The following SLCO4A1 variants were observed in gnomAD, a reference collection of about 807,000 sequenced individuals.
SLCO4A1 encodes solute carrier organic anion transporter family member 4A1.
SLCO4A1 carries 51 observed loss-of-function variants against 64.6 expected under a neutral mutation model. The ratio of observed to expected loss-of-function variants is 0.79; its 90% CI spans 0.63 to 1.00. The LOEUF is 1.00. Ranked by LOEUF, SLCO4A1 falls within the 50% of genes least tolerant of loss-of-function variation. SLCO4A1 has a pLI of 0.00. For synonymous variants in SLCO4A1, 471 were observed against 444.9 expected (o/e 1.06, Z -0.74); for missense variants, 919 against 980.5 (o/e 0.94, Z 0.84).
chr20:62,648,253 A>C (rs1981758663), intron 1 of SLCO4A1, among the ~76,000 whole-genome samples: 1 of 152,222 alleles, frequency 6.6e-6, no homozygotes, highest in Non-Finnish European at 1.5e-5. Flanking sequence ...GGCTCTCTAG[A>C]TGCACCGGAG....
At chr20:62,653,347 A>G (rs887972306) in intron 1 of SLCO4A1, among the ~76,000 whole-genome samples, 6 of 152,188 alleles carry the variant, frequency 3.9e-5, no homozygotes, top group Non-Finnish European at 8.8e-5. Flanking sequence ...ACGTAAAACA[A>G]GCCTTGCCTG....
rs1987327097 is a variant in SLCO4A1, at chr20:62,672,250, G to C, written c.*357G>C. The C allele has an allele frequency of 1.6e-6, 2 of 1,215,936 alleles. No individual in the cohort carries two copies. Among genetic ancestry groups the C allele is most frequent in the South Asian group, 3.6e-5 (2 of 56,246 alleles). The allele number at this position is 1,215,936 out of a possible 1,614,324, so 75.3% of individuals were successfully genotyped here. A position where few individuals can be genotyped will look rare whatever the true frequency, so the allele number is the denominator to read the frequency against. On this transcript the variant is annotated 3_prime_UTR_variant, in exon 12 of 12. Coordinates refer to ENST00000217159, the MANE Select transcript of SLCO4A1 (RefSeq NM_016354.4). ...CCTGAGGAAGGCTTGTGTGTCCTCA[G>C]TTAAAACTGTGCATATCGAAATATA...
intron 2 of SLCO4A1, among the ~76,000 whole-genome samples, chr20:62,682,693 C>T (rs1278992182): frequency 6.6e-6 from 1 of 152,148 alleles, no homozygotes; most frequent in Non-Finnish European, 1.5e-5. Flanking sequence ...CATGCAGTGT[C>T]CCGGTGAATG....
intron 5 of SLCO4A1, among the ~76,000 whole-genome samples, chr20:62,664,167 G>A (rs764288072): frequency 6.6e-6 from 1 of 152,052 alleles, no homozygotes; most frequent in Non-Finnish European, 1.5e-5. Flanking sequence ...GGCTGAGGCT[G>A]AGCCCTCAGG....
At chr20:62,670,992 C>G (rs896774160) in intron 11 of SLCO4A1, among the ~76,000 whole-genome samples, 2 of 152,264 alleles carry the variant, frequency 1.3e-5, no homozygotes, top group African/African-American at 4.8e-5. Flanking sequence ...GTGGGCATTG[C>G]GGCAGCATCC....
In SLCO4A1 at chr20:62,667,725, C is replaced by T. The variant is rs202110797; in HGVS notation, c.1473-20C>T. 3.1e-6 allele frequency: 5 copies of T among 1,598,544 alleles called. No homozygotes were observed. Among genetic ancestry groups the T allele is most frequent in the South Asian group, 2.2e-5 (2 of 89,284 alleles). On this transcript the variant is annotated intron_variant, in intron 7 of 11. Transcript: ENST00000217159. ...TGGCTCTGGCCTGGACCCTACCACTCGCTTGTCCCCCCTCTGCAGCCTCCT... is the reference window on the plus strand; with the variant it reads ...TGGCTCTGGCCTGGACCCTACCACTTGCTTGTCCCCCCTCTGCAGCCTCCT...
At chr20:62,655,233 CGGG>C (rs1983428988) in intron 1 of SLCO4A1, among the ~76,000 whole-genome samples, 4 of 145,438 alleles carry the variant, frequency 2.8e-5, no homozygotes, top group Non-Finnish European at 4.6e-5. Context: ...ACAGCAGCCC[CGGG>C]AAGGACCCTC....
chr20:62,665,032 C>T lies in SLCO4A1; in HGVS notation c.1220C>T (p.Pro407Leu). Residue 407 changes from proline (P) to leucine (L), a missense_variant, in exon 6 of 12, where the codon CCC becomes CTC. By Grantham distance (98) the Pro-to-Leu change is moderately conservative. Transcript: ENST00000217159. ...ATCACCGGCATGTCCACGTTCAGCC[C>T]CAAGTTCTTGGAGTCCCAGTTCAGC... ...TLITGMSTFS[P>L]KFLESQFSLS... 6.2e-7 allele frequency: 1 copy of T among 1,613,952 alleles called. No homozygotes were observed. The highest frequency in any genetic ancestry group is 8.5e-7 in the Non-Finnish European group (1 of 1,179,922).
intron 6 of SLCO4A1, 29 bp from the exon 7 acceptor site, chr20:62,666,339 CCCCTGCCTGAGT>C (rs1222545144): frequency 6.3e-7 from 1 of 1,585,616 alleles, no homozygotes; most frequent in African/African-American, 1.3e-5. Flanking sequence ...CCACCACGGC[CCCCTGCCTGAGT>C]CCCTGGCTGA....
At chr20:62,666,660 T>C in intron 7 of SLCO4A1, 85 bp downstream of exon 7, 1 of 1,202,490 alleles carries the variant, frequency 8.3e-7, no homozygotes. Flanking sequence ...GTGCAGCACT[T>C]GGGAGAGGTG....
intron 2 of SLCO4A1, among the ~76,000 whole-genome samples, chr20:62,677,875 G>A (rs900851245): frequency 6.6e-6 from 1 of 152,232 alleles, no homozygotes; most frequent in Admixed American, 6.5e-5. Context: ...CCGTGATGGG[G>A]GTGCCGTCTT....
intron 2 of SLCO4A1, among the ~76,000 whole-genome samples, chr20:62,657,576 G>A (rs997361170): frequency 9.2e-5 from 14 of 152,256 alleles, no homozygotes; most frequent in African/African-American, 3.4e-4. Context: ...GTGGCACCAG[G>A]TCCAATGGCG....
At chr20:62,687,458 G>A (rs775648861), downstream of SLCO4A1, among the ~76,000 whole-genome samples, 10 of 152,240 alleles carry the variant, frequency 6.6e-5, no homozygotes, top group African/African-American at 1.4e-4. Context: ...GGGCAGGTGC[G>A]TCATCCGGGC....
intron 6 of SLCO4A1, chr20:62,665,401 C>G: frequency 7.1e-6 from 2 of 283,606 alleles, no homozygotes; most frequent in Non-Finnish European, 1.3e-5. Context: ...CTGGCTGTTC[C>G]ATGAGCCAGG....
chr20:62,658,940 C>G (rs758825679), intron 3 of SLCO4A1, among the ~76,000 whole-genome samples, 173 bp downstream of exon 3: 1 of 152,216 alleles, frequency 6.6e-6, no homozygotes, highest in African/African-American at 2.4e-5. Context: ...CTCGGAGGAT[C>G]TGTAGGGGCC....
chr20:62,667,802 C>T lies in SLCO4A1; in HGVS notation c.1530C>T (p.Cys510=). ...CTCCCTGCAACGCTGCCTGCAGCTG[C>T]CAGCCAGAACACTACAGCCCTGTGT... ...LTAPCNAACS[C]QPEHYSPVCG... is the part of the protein sequence containing the mutation. Residue 510 remains cysteine (C), a synonymous_variant, in exon 8 of 12, where the codon TGC becomes TGT. Coordinates refer to ENST00000217159, the MANE Select transcript of SLCO4A1 (RefSeq NM_016354.4). 6.2e-7 allele frequency: 1 copy of T among 1,612,516 alleles called. No homozygotes were observed. Among genetic ancestry groups the T allele is most frequent in the Non-Finnish European group, 8.5e-7 (1 of 1,179,890 alleles).
chr20:62,667,451 G>A (rs1601669880), intron 7 of SLCO4A1: 2 of 427,172 alleles, frequency 4.7e-6, no homozygotes, highest in Non-Finnish European at 8.4e-6. Flanking sequence ...TGATCCATAT[G>A]AATGTGTTGC....
rs564978774 is a variant in SLCO4A1 at position 62,661,378 on chromosome 20, C to T, written c.1121+203C>T. On this transcript the variant is annotated intron_variant, in intron 5 of 11. Coordinates refer to ENST00000217159, the MANE Select transcript of SLCO4A1 (RefSeq NM_016354.4). The surrounding 1 kb of genome is among the most constrained non-coding windows in gnomAD (Gnocchi z 5.2). ...AGACCCCGCCTCAGGGCTGCAGAGC[C>T]GTGGGAGAGTCCCAGAGTGGGGCCG... Among the ~76,000 whole-genome samples, 44 of 152,136 alleles carry T rather than the reference C, an allele frequency of 2.9e-4. No homozygotes were observed. The highest frequency in any genetic ancestry group is 5.9e-4 in the Non-Finnish European group (40 of 68,004).
intron 2 of SLCO4A1, among the ~76,000 whole-genome samples, chr20:62,683,398 G>A (rs1263288984): frequency 5.9e-5 from 9 of 152,070 alleles, no homozygotes; most frequent in Non-Finnish European, 1.2e-4. Context: ...CTCGGTGGGG[G>A]CACCTGCTCC....
Sources: allele counts gnomAD v4.1 joint callset (sites outside exome capture counted in the v4.1 genomes callset), GRCh38; gene constraint gnomAD v4.1.1; non-coding constraint Gnocchi (gnomAD v3.1); transcripts MANE v1.5; gene names NCBI Gene and HGNC (gene_info 2026-07-23, HGNC 2026-07-21).